RNF180: variants seen among roughly 807,000 people sequenced by gnomAD.
RNF180 encodes E3 ubiquitin-protein ligase RNF180.
In RNF180, 38 loss-of-function variants were observed where a neutral mutation model predicts 59.2. The observed-to-expected ratio is 0.64, with a 90% confidence interval of 0.50 to 0.84. The LOEUF (loss-of-function observed/expected upper bound fraction) is 0.84, where lower values mean the gene tolerates loss of function less well. RNF180 is among the 40% of genes least tolerant of loss of function. RNF180 has a pLI of 0.00. For missense variants in RNF180, 705 were observed against 700.9 expected (o/e 1.01, Z -0.07); for synonymous variants, 262 against 240.3 (o/e 1.09, Z -0.84).
At chr5:64,316,468 ATG>A (rs1744048413) in intron 5 of RNF180, among the ~76,000 whole-genome samples, 1 of 152,198 alleles carries the variant, frequency 6.6e-6, no homozygotes, top group Admixed American at 6.5e-5. Flanking sequence ...GCAGAGGACA[ATG>A]TGTGGTCTGA....
chr5:64,301,735 G>A (rs1396767198), intron 5 of RNF180, among the ~76,000 whole-genome samples: 1 of 151,310 alleles, frequency 6.6e-6, no homozygotes, highest in Non-Finnish European at 1.5e-5. Context: ...ATAGTTTTCA[G>A]TCTGGTTGTT....
At chr5:64,229,540 G>A (rs1297131964) in intron 5 of RNF180, among the ~76,000 whole-genome samples, 1 of 152,192 alleles carries the variant, frequency 6.6e-6, no homozygotes, top group Non-Finnish European at 1.5e-5. Flanking sequence ...GCTTTCTCTT[G>A]CTATGAATCT....
chr5:64,310,817 A>G (rs1395770095), intron 5 of RNF180, among the ~76,000 whole-genome samples: 1 of 151,820 alleles, frequency 6.6e-6, no homozygotes, highest in African/African-American at 2.4e-5. Context: ...TTTATTGTAT[A>G]TGGGCTAACC....
At chr5:64,317,551 TACATATATACACATACATATATATAC>T (rs1463136484) in intron 5 of RNF180, among the ~76,000 whole-genome samples, 1 of 141,482 alleles carries the variant, frequency 7.1e-6, no homozygotes, top group Non-Finnish European at 1.5e-5. Context: ...TATTTATATA[TACATATATACACATACATATATATAC>T]ACATATATAT....
chr5:64,275,332 C>A, intron 5 of RNF180, among the ~76,000 whole-genome samples: 1 of 133,346 alleles, frequency 7.5e-6, no homozygotes, highest in Admixed American at 8.0e-5. Flanking sequence ...AAATCTTATT[C>A]TCTAAATCTT....
intron 5 of RNF180, among the ~76,000 whole-genome samples, chr5:64,308,631 A>G (rs931914402): frequency 6.6e-6 from 1 of 151,696 alleles, no homozygotes; most frequent in Non-Finnish European, 1.5e-5. Context: ...CTCTTATTCC[A>G]GAATATGGCA....
At chr5:64,166,081 C>T (rs1749616869) in intron 1 of RNF180, 128 bp downstream of exon 1, 1 of 152,230 alleles carries the variant, frequency 6.6e-6, no homozygotes, top group African/African-American at 2.4e-5. Context: ...GGGGACGTGC[C>T]AAGGGGCTGG....
chr5:64,245,365 A>G (rs528410103), intron 5 of RNF180, among the ~76,000 whole-genome samples: 35 of 152,244 alleles, frequency 2.3e-4, no homozygotes, highest in Non-Finnish European at 4.6e-4. Context: ...TGCTGTATTC[A>G]GGAGACCAAT....
intron 5 of RNF180, among the ~76,000 whole-genome samples, chr5:64,266,153 A>G (rs539284799): frequency 4.9e-4 from 75 of 152,342 alleles, no homozygotes; most frequent in Non-Finnish European, 9.7e-4. Flanking sequence ...ATATACAATC[A>G]TGTTATCTGC....
chr5:64,256,013 T>C (rs1467081565), intron 5 of RNF180, among the ~76,000 whole-genome samples: 2 of 152,226 alleles, frequency 1.3e-5, no homozygotes, highest in African/African-American at 2.4e-5. Context: ...GAGAAGTGTC[T>C]GTTCATATCC....
chr5:64,353,026 A>AT (rs1292602826), intron 7 of RNF180, among the ~76,000 whole-genome samples: 1 of 151,838 alleles, frequency 6.6e-6, no homozygotes, highest in Non-Finnish European at 1.5e-5. Flanking sequence ...AGACTCTTTG[A>AT]TGTATTTCCT....
At chr5:64,308,571 G>T (rs989461631) in intron 5 of RNF180, among the ~76,000 whole-genome samples, 1 of 151,716 alleles carries the variant, frequency 6.6e-6, no homozygotes, top group East Asian at 1.9e-4. Context: ...CAATGGTTCA[G>T]TGTTTCTGAG....
At chr5:64,319,174 TAAA>T (rs67593090) in intron 5 of RNF180, among the ~76,000 whole-genome samples, 1 of 134,446 alleles carries the variant, frequency 7.4e-6, no homozygotes, top group Non-Finnish European at 1.6e-5. Context: ...AACTGTTGTT[TAAA>T]AAAAAAAAAA....
At chr5:64,340,244 C>T (rs558708222) in intron 7 of RNF180, among the ~76,000 whole-genome samples, 1 of 152,258 alleles carries the variant, frequency 6.6e-6, no homozygotes, top group East Asian at 1.9e-4. Context: ...CTTTTCTAAA[C>T]ATACTCAAGT....
chr5:64,213,165 G>A (rs1438670240), intron 3 of RNF180, among the ~76,000 whole-genome samples: 2 of 152,130 alleles, frequency 1.3e-5, no homozygotes, highest in Non-Finnish European at 1.5e-5. Flanking sequence ...TGCAAGAAGT[G>A]TATCAAAACA....
intron 1 of RNF180, among the ~76,000 whole-genome samples, chr5:64,180,698 A>G (rs2111941213): frequency 6.6e-6 from 1 of 152,316 alleles, no homozygotes; most frequent in African/African-American, 2.4e-5. Flanking sequence ...GATACAAGCT[A>G]AGAGGCATTA....
intron 5 of RNF180, among the ~76,000 whole-genome samples, chr5:64,304,124 T>A (rs1369303403): frequency 6.6e-6 from 1 of 150,704 alleles, no homozygotes; most frequent in African/African-American, 2.4e-5. Flanking sequence ...ACTATTGAGA[T>A]CTCCTTCCCA....
intron 7 of RNF180, among the ~76,000 whole-genome samples, chr5:64,330,678 C>T (rs1211719000): frequency 6.6e-6 from 1 of 152,200 alleles, no homozygotes; most frequent in Non-Finnish European, 1.5e-5. Context: ...AATGAAAATA[C>T]GTCTCAAAAG....
intron 1 of RNF180, among the ~76,000 whole-genome samples, chr5:64,194,316 C>T (rs901621784): frequency 2.6e-5 from 4 of 152,112 alleles, no homozygotes; most frequent in African/African-American, 9.7e-5. Flanking sequence ...CATCCATGTC[C>T]CTACAAAGGA....
Sources: allele counts gnomAD v4.1 joint callset (sites outside exome capture counted in the v4.1 genomes callset), GRCh38; gene constraint gnomAD v4.1.1; transcripts MANE v1.5; gene names NCBI Gene and HGNC (gene_info 2026-07-23, HGNC 2026-07-21).